Variants in CCDC178 observed in about 807,000 individuals in gnomAD.
CCDC178 encodes coiled-coil domain containing 178.
In CCDC178, 126 loss-of-function variants were observed where a neutral mutation model predicts 117.4. That is an observed-to-expected ratio of 1.07 (90% confidence interval 0.93 to 1.24). The LOEUF (loss-of-function observed/expected upper bound fraction) is 1.24, where lower values mean the gene tolerates loss of function less well. Ranked by LOEUF, CCDC178 falls within the 50% of genes most tolerant of loss-of-function variation. CCDC178 has a pLI of 0.00. For missense variants in CCDC178, 1,030 were observed against 986.9 expected (o/e 1.04, Z -0.59); for synonymous variants, 283 against 313.4 (o/e 0.90, Z 1.02).
intron 3 of CCDC178, among the ~76,000 whole-genome samples, chr18:33,403,334 G>T (rs1010239069): frequency 2.0e-5 from 3 of 152,002 alleles, no homozygotes; most frequent in African/African-American, 4.8e-5. Flanking sequence ...GGCCACAGAG[G>T]GCTTCAGAGA....
chr18:33,213,521 C>T (rs544479799), intron 19 of CCDC178, among the ~76,000 whole-genome samples: 4 of 151,916 alleles, frequency 2.6e-5, no homozygotes, highest in African/African-American at 7.2e-5. Context: ...GTGACCAAAA[C>T]GATAAAATGT....
intron 11 of CCDC178, among the ~76,000 whole-genome samples, chr18:33,318,230 G>A (rs553879333): frequency 6.6e-6 from 1 of 152,218 alleles, no homozygotes; most frequent in Non-Finnish European, 1.5e-5. Flanking sequence ...CTCACTTTTG[G>A]TTTTGTGTAT....
chr18:33,010,408 G>T (rs1438195011), intron 21 of CCDC178, among the ~76,000 whole-genome samples: 1 of 152,164 alleles, frequency 6.6e-6, no homozygotes, highest in Non-Finnish European at 1.5e-5. Context: ...TGTAGTGTGG[G>T]AAATGAACCA....
Position 33,333,330 on chromosome 18 carries a change from T to C in CCDC178, c.723A>G (p.Gln241=). The C allele has an allele frequency of 6.2e-7, 1 of 1,612,780 alleles. No individual in the cohort carries two copies. Among genetic ancestry groups the C allele is most frequent in the Non-Finnish European group, 8.5e-7 (1 of 1,179,310 alleles). ...LQWHLEDKAN[Q]LQHFEKQKTE... ...TCTTTTGTTTTTCAAAATGTTGTAGTTGATTAGCTTTATCTTCAAGATGCC... is the reference window on the plus strand; with the variant it reads ...TCTTTTGTTTTTCAAAATGTTGTAGCTGATTAGCTTTATCTTCAAGATGCC... Residue 241 remains glutamine (Q), a synonymous_variant, in exon 10 of 23, where the codon CAA becomes CAG. Coordinates refer to ENST00000383096, the MANE Select transcript of CCDC178 (RefSeq NM_001105528.4).
chr18:33,033,341 G>C (rs2056382108), intron 21 of CCDC178, among the ~76,000 whole-genome samples: 1 of 151,976 alleles, frequency 6.6e-6, no homozygotes, highest in Non-Finnish European at 1.5e-5. Flanking sequence ...TTTAGCCTAT[G>C]TCGCCTCCAA....
intron 21 of CCDC178, among the ~76,000 whole-genome samples, chr18:33,072,534 T>C (rs554346539): frequency 3.4e-4 from 52 of 151,914 alleles, no homozygotes; most frequent in African/African-American, 1.2e-3. Context: ...CTAGGTGACT[T>C]TGCCAAGGTC....
chr18:33,116,040 T>C (rs1456525969), intron 20 of CCDC178, among the ~76,000 whole-genome samples: 1 of 152,132 alleles, frequency 6.6e-6, no homozygotes, highest in Non-Finnish European at 1.5e-5. Flanking sequence ...TTCTGATAGT[T>C]ACTCTTCAAG....
At chr18:33,283,325 G>GA (rs1043182876) in intron 12 of CCDC178, among the ~76,000 whole-genome samples, 2 of 151,652 alleles carry the variant, frequency 1.3e-5, no homozygotes, top group Non-Finnish European at 1.5e-5. Context: ...ATTAAAAAAA[G>GA]AAAAAAAATC....
At chr18:33,388,089 T>C (rs759201590) in intron 5 of CCDC178, among the ~76,000 whole-genome samples, 8 of 152,022 alleles carry the variant, frequency 5.3e-5, no homozygotes, top group Non-Finnish European at 8.8e-5. Context: ...AAGGCATACA[T>C]GTGGCCAACA....
At chr18:33,130,911 G>C (rs1429930931) in intron 20 of CCDC178, among the ~76,000 whole-genome samples, 2 of 151,864 alleles carry the variant, frequency 1.3e-5, no homozygotes, top group Non-Finnish European at 2.9e-5. Context: ...TGCCCTGGCT[G>C]TCAGCAAATT....
intron 5 of CCDC178, among the ~76,000 whole-genome samples, chr18:33,387,172 G>T (rs1405732320): frequency 1.3e-5 from 2 of 152,014 alleles, no homozygotes; most frequent in African/African-American, 4.8e-5. Flanking sequence ...GCCTCTTCAA[G>T]GAGTACTACA....
At chr18:33,258,409 T>C (rs761292576) in intron 14 of CCDC178, among the ~76,000 whole-genome samples, 2 of 152,254 alleles carry the variant, frequency 1.3e-5, no homozygotes, top group Non-Finnish European at 1.5e-5. Flanking sequence ...TTGACTGACA[T>C]GTCTTCATTC....
intron 15 of CCDC178, among the ~76,000 whole-genome samples, chr18:33,231,932 GCTGC>G (rs1383116500): frequency 6.6e-6 from 1 of 152,184 alleles, no homozygotes; most frequent in Non-Finnish European, 1.5e-5. Flanking sequence ...GGCACTGGCT[GCTGC>G]CTACATTTGC....
chr18:33,025,265 G>A (rs1450978655), intron 21 of CCDC178, among the ~76,000 whole-genome samples: 1 of 152,048 alleles, frequency 6.6e-6, no homozygotes, highest in Admixed American at 6.6e-5. Flanking sequence ...AACTTAAAAT[G>A]GATCACTTAT....
chr18:33,017,043 G>C (rs913837908), intron 21 of CCDC178, among the ~76,000 whole-genome samples: 7 of 151,562 alleles, frequency 4.6e-5, no homozygotes, highest in Non-Finnish European at 8.9e-5. Flanking sequence ...CTATGGTCAA[G>C]AAAAAGACAA....
In CCDC178 at chr18:33,225,058, C is replaced by T. The variant is rs920982090; in HGVS notation, c.1657-122G>A. The stretch of plus-strand genomic sequence containing the variant: ...GAAAATCAAATAATACAATAAATGT[C>T]ACCATAAAAAATGGATACGAATGTA... On this transcript the variant is annotated intron_variant, in intron 16 of 22. Coordinates refer to ENST00000383096, the MANE Select transcript of CCDC178 (RefSeq NM_001105528.4). 4 of 503,964 alleles carry T rather than the reference C, an allele frequency of 7.9e-6. No homozygotes were observed. The Admixed American group carries it at 1.7e-4, about 22-fold the overall frequency. The allele number at this position is 503,964 out of a possible 1,614,324, so 31.2% of individuals were successfully genotyped here. A position where few individuals can be genotyped will look rare whatever the true frequency, so the allele number is the denominator to read the frequency against.
intron 22 of CCDC178, among the ~76,000 whole-genome samples, chr18:32,970,087 CAT>C (rs2054893578): frequency 6.6e-6 from 1 of 151,920 alleles, no homozygotes; most frequent in Admixed American, 6.6e-5. Flanking sequence ...CACTTTCGCT[CAT>C]ATTAAAATTG....
intron 6 of CCDC178, among the ~76,000 whole-genome samples, chr18:33,364,569 G>A (rs1377178445): frequency 1.3e-5 from 2 of 151,948 alleles, no homozygotes; most frequent in Non-Finnish European, 2.9e-5. Context: ...ACAGAATGCT[G>A]AGAGAAGACA....
chr18:33,311,913 G>C (rs531705920), intron 11 of CCDC178, among the ~76,000 whole-genome samples: 6 of 152,126 alleles, frequency 3.9e-5, no homozygotes, highest in Non-Finnish European at 8.8e-5. Flanking sequence ...TGTGAAGGAA[G>C]ACAAAAGACA....
Sources: gnomAD v4.1 joint callset for allele counts (sites outside exome capture counted in the v4.1 genomes callset) on GRCh38, gnomAD v4.1.1 for gene constraint, MANE v1.5 for transcripts, NCBI Gene and HGNC (gene_info 2026-07-23, HGNC 2026-07-21) for gene names.